Variants in RALGDS observed in about 807,000 individuals in gnomAD.
The protein encoded by RALGDS is ral guanine nucleotide exchange factor.
RALGDS carries 44 observed loss-of-function variants against 99.8 expected under a neutral mutation model. The ratio of observed to expected loss-of-function variants is 0.44; its 90% CI spans 0.35 to 0.57. RALGDS has a LOEUF of 0.57. Ranked by LOEUF, RALGDS falls within the 20% of genes least tolerant of loss-of-function variation. The probability of loss-of-function intolerance (pLI) is 0.01; values close to 1 mark genes in which losing one functional copy is unlikely to be tolerated. For synonymous variants in RALGDS, 529 were observed against 505.0 expected (o/e 1.05, Z -0.64); for missense variants, 1,022 against 1,203.1 (o/e 0.85, Z 2.23).
chr9:133,106,166 G>A (rs1435186645), intron 8 of RALGDS, 150 bp from the exon 9 acceptor site: 2 of 674,142 alleles, frequency 3.0e-6, no homozygotes, highest in East Asian at 3.0e-5. Flanking sequence ...TGCAGGTCTG[G>A]GGAGGGGGCC....
intron 2 of RALGDS, among the ~76,000 whole-genome samples, chr9:133,110,900 G>A (rs780332132): frequency 2.0e-5 from 3 of 151,990 alleles, no homozygotes; most frequent in Non-Finnish European, 4.4e-5. Flanking sequence ...TGGGCAACAT[G>A]GCAAAACCCC....
chr9:133,132,606 A>C (rs1237558400), upstream of RALGDS, among the ~76,000 whole-genome samples: 4 of 151,814 alleles, frequency 2.6e-5, no homozygotes, highest in Non-Finnish European at 5.9e-5. Flanking sequence ...GGGGGCTTAA[A>C]GAGGCCCTGG....
At chr9:133,120,828 G>A (rs1831893190) in intron 1 of RALGDS, 144 bp downstream of exon 1, 3 of 959,930 alleles carry the variant, frequency 3.1e-6, no homozygotes, top group Middle Eastern at 3.5e-4. Context: ...AGAAGGCCCC[G>A]ACCCCCACCT....
At position 133,108,804 on chromosome 9, in the gene RALGDS, G is replaced by A. The variant is rs1245835459; in HGVS notation, c.647C>T (p.Pro216Leu). ...DQYSEDFCQP[P>L]DFPCLKQLVA... Reference sequence around the variant, plus strand: ...CAGCTGCTTGAGGCAGGGAAAGTCCGGAGGTTGACAGAAATCCTCCGAGTA... The same window carrying A: ...CAGCTGCTTGAGGCAGGGAAAGTCCAGAGGTTGACAGAAATCCTCCGAGTA... The change falls in exon 5 of 18, where the codon CCG becomes CTG. Residue 216 changes from proline (P) to leucine (L), a missense_variant. Coordinates refer to ENST00000372050, the MANE Select transcript of RALGDS (RefSeq NM_006266.4). 3.1e-6 allele frequency: 5 copies of A among 1,613,420 alleles called. No individual in the cohort carries two copies. The highest frequency in any genetic ancestry group is 2.7e-5 in the African/African-American group (2 of 75,030).
chr9:133,109,423 C>A (rs926703534), intron 4 of RALGDS, among the ~76,000 whole-genome samples: 2 of 152,182 alleles, frequency 1.3e-5, no homozygotes, highest in Admixed American at 1.3e-4. Flanking sequence ...CGAGCCCCAG[C>A]CACCCCAGGA....
chr9:133,129,164 G>A (rs1487478898), intron 1 of RALGDS: 1 of 1,596,178 alleles, frequency 6.3e-7, no homozygotes, highest in African/African-American at 1.3e-5. Flanking sequence ...TGCTGGCAGA[G>A]GTGCCAGCCA....
chr9:133,128,747 A>G (rs1832239931), intron 1 of RALGDS, among the ~76,000 whole-genome samples: 1 of 152,130 alleles, frequency 6.6e-6, no homozygotes, highest in African/African-American at 2.4e-5. Flanking sequence ...CCATCAGTAA[A>G]ATGGGGACAG....
At chr9:133,127,656 G>A (rs1000813089) in intron 1 of RALGDS, among the ~76,000 whole-genome samples, 14 of 152,224 alleles carry the variant, frequency 9.2e-5, no homozygotes, top group Admixed American at 4.6e-4. Context: ...CACAGCGGGC[G>A]GGCCTGGCTC....
At position 133,106,082 on chromosome 9, in the gene RALGDS, C is replaced by A. The variant is rs530593758; in HGVS notation, c.1518-66G>T. 1.5e-4 allele frequency: 191 copies of A among 1,307,554 alleles called. 1 individual carries two copies. The African/African-American group carries it at 2.4e-3, about 17-fold the overall frequency. 81.0% of individuals were successfully genotyped at this position (1,307,554 alleles called of 1,614,324 possible). A position where few individuals can be genotyped will look rare whatever the true frequency, so the allele number is the denominator to read the frequency against. On this transcript the variant is annotated intron_variant, in intron 8 of 17. Coordinates refer to ENST00000372050, the MANE Select transcript of RALGDS (RefSeq NM_006266.4). ...GTAGGGAGGGGTGTGAGTGCAAATC[C>A]GTTTTATTTTAGAGCTGAAAGACCC...
At chr9:133,124,327 C>A (rs964263008), upstream of RALGDS, among the ~76,000 whole-genome samples, 7 of 151,928 alleles carry the variant, frequency 4.6e-5, no homozygotes, top group Admixed American at 1.3e-4. Flanking sequence ...GACATTGGAA[C>A]AGAGACACAC....
intron 9 of RALGDS, among the ~76,000 whole-genome samples, chr9:133,105,554 TGGC>T (rs1198347349): frequency 7.9e-5 from 12 of 151,986 alleles, no homozygotes; most frequent in African/African-American, 2.9e-4. Flanking sequence ...GTCAGGAGCC[TGGC>T]CTCCCGGGGA....
At chr9:133,120,149 CAGCA>C (rs1313061223) in intron 1 of RALGDS, among the ~76,000 whole-genome samples, 1 of 152,160 alleles carries the variant, frequency 6.6e-6, no homozygotes, top group Non-Finnish European at 1.5e-5. Flanking sequence ...GTGTAGTCAG[CAGCA>C]GTCAGGTGGG....
chr9:133,129,654 A>G (rs1398393616), intron 1 of RALGDS, among the ~76,000 whole-genome samples: 3 of 152,124 alleles, frequency 2.0e-5, no homozygotes, highest in South Asian at 2.1e-4. Flanking sequence ...AAATCAAAAC[A>G]GGGTTCGGTC....
intron 1 of RALGDS, among the ~76,000 whole-genome samples, chr9:133,128,859 G>A (rs1218045006): frequency 6.6e-6 from 1 of 152,216 alleles, no homozygotes; most frequent in Non-Finnish European, 1.5e-5. Flanking sequence ...GGACGGAGCT[G>A]CCAGGACAGC....
In RALGDS at chr9:133,108,851, G is replaced by C. The variant is rs1307778871; in HGVS notation, c.600C>G (p.Ile200Met). The C allele has an allele frequency of 4.3e-6, 7 of 1,612,272 alleles. No individual in the cohort carries two copies. Among genetic ancestry groups the C allele is most frequent in the Non-Finnish European group, 5.9e-6 (7 of 1,179,554 alleles). ...QDQLKNAISSILGTWLDQYSE... is the reference protein window; with the variant it reads ...QDQLKNAISSMLGTWLDQYSE... The stretch of plus-strand genomic sequence containing the variant: ...AGTACTGGTCCAGCCAGGTGCCCAG[G>C]ATGGAGGAGATGGCACTGGGGACAG... The change falls in exon 5 of 18, where the codon ATC becomes ATG. Residue 200 changes from isoleucine to methionine, a missense_variant. Ile to Met is a conservative substitution (Grantham distance 10). Coordinates refer to ENST00000372050, the MANE Select transcript of RALGDS (RefSeq NM_006266.4).
intron 13 of RALGDS, 87 bp downstream of exon 13, chr9:133,102,692 G>A: frequency 6.2e-7 from 1 of 1,603,214 alleles, no homozygotes; most frequent in Non-Finnish European, 8.5e-7. Context: ...GGCTGAGGCT[G>A]ACCATGGGTC....
chr9:133,100,412 G>C, intron 16 of RALGDS, 30 bp from the exon 17 acceptor site: 1 of 1,613,216 alleles, frequency 6.2e-7, no homozygotes, highest in Non-Finnish European at 8.5e-7. Flanking sequence ...GGACCATCAG[G>C]GAAAAGACCC....
rs548531503 is a variant in RALGDS, at chr9:133,101,970, C to T, written c.2179G>A (p.Val727Ile). ...TCCTGGCCATCAGGAGACTCCGGGA[C>T]GAAGCTGATGTTGATCTCCTCCACG... ...SDVEEINISF[V>I]PESPDGQEKK... is the part of the protein sequence containing the mutation. Residue 727 changes from valine (V) to isoleucine (I), a missense_variant, in exon 15 of 18, where the codon GTC (valine) becomes ATC (isoleucine). By Grantham distance (29) the Val-to-Ile change is conservative. Coordinates refer to ENST00000372050, the MANE Select transcript of RALGDS (RefSeq NM_006266.4). 1.5e-4 allele frequency: 234 copies of T among 1,551,492 alleles called. No individual in the cohort carries two copies. Among genetic ancestry groups the T allele is most frequent in the Admixed American group, 2.0e-4 (10 of 51,026 alleles).
intron 14 of RALGDS, 140 bp downstream of exon 14, chr9:133,102,336 G>T: frequency 1.8e-6 from 2 of 1,105,650 alleles, no homozygotes; most frequent in Non-Finnish European, 1.3e-6. Context: ...AAGGTGAGGG[G>T]ACTCATCCCA....
Sources: gnomAD v4.1 joint callset for allele counts (sites outside exome capture counted in the v4.1 genomes callset) on GRCh38, gnomAD v4.1.1 for gene constraint, MANE v1.5 for transcripts, NCBI Gene and HGNC (gene_info 2026-07-23, HGNC 2026-07-21) for gene names.